The following TP73 variants were observed in gnomAD, a reference collection of about 807,000 sequenced individuals.
The protein encoded by TP73 is p53-like transcription factor.
TP73 carries 25 observed loss-of-function variants against 62.5 expected under a neutral mutation model. The ratio of observed to expected loss-of-function variants is 0.40; its 90% confidence interval spans 0.29 to 0.56. TP73 has a LOEUF of 0.56. TP73 is among the 20% of genes least tolerant of loss of function. TP73 has a pLI of 0.46. For synonymous variants in TP73, 423 were observed against 377.5 expected (o/e 1.12, Z -1.40); for missense variants, 754 against 913.3 (o/e 0.83, Z 2.25).
chr1:3,720,965 G>A (rs1570599048), intron 4 of TP73, among the ~76,000 whole-genome samples: 1 of 152,232 alleles, frequency 6.6e-6, no homozygotes, highest in Non-Finnish European at 1.5e-5. Context: ...AGTCATCGGG[G>A]GCTGGTGAGG....
Position 3,733,109 on chromosome 1 carries a change from C to T in TP73, c.*30C>T, listed in dbSNP as rs368560163. The T allele has an allele frequency of 4.3e-5, 64 of 1,501,868 alleles. 1 individual carries two copies. The South Asian group carries it at 6.1e-4, about 14-fold the overall frequency. 93.0% of individuals were successfully genotyped at this position (1,501,868 alleles called of 1,614,324 possible). On this transcript the variant is annotated 3_prime_UTR_variant, in exon 14 of 14. Transcript: ENST00000378295. ...CTCGCCTGGCTGCAGCCTGCGCCACCGCCCAGAGACCCAAGCTGCCTCCCC... is the reference window on the plus strand; with the variant it reads ...CTCGCCTGGCTGCAGCCTGCGCCACTGCCCAGAGACCCAAGCTGCCTCCCC...
intron 1 of TP73, among the ~76,000 whole-genome samples, chr1:3,674,185 G>T (rs1307852180): frequency 4.6e-5 from 7 of 152,210 alleles, no homozygotes. Flanking sequence ...CCCACGGGGG[G>T]TCGGGCATTT....
At chr1:3,658,228 T>A (rs1644908062) in intron 1 of TP73, among the ~76,000 whole-genome samples, 1 of 152,144 alleles carries the variant, frequency 6.6e-6, no homozygotes, top group Admixed American at 6.5e-5. Context: ...TCCGTGGGCC[T>A]TGGAGATTAA....
intron 3 of TP73, among the ~76,000 whole-genome samples, chr1:3,687,075 C>T (rs2102113388): frequency 6.6e-6 from 1 of 152,330 alleles, no homozygotes; most frequent in East Asian, 1.9e-4. Context: ...CTGCCTTTGC[C>T]TGGCACAGTT....
Position 3,727,628 on chromosome 1 carries a change from T to A in TP73, c.843T>A (p.Asp281Glu), listed in dbSNP as rs367794295. The A allele has an allele frequency of 1.3e-6, 2 of 1,597,754 alleles. No homozygotes were observed. The highest frequency in any genetic ancestry group is 1.7e-6 in the Non-Finnish European group (2 of 1,175,374). Residue 281 changes from aspartate to glutamate, a missense_variant and splice_region_variant, in exon 8 of 14, where the codon GAT becomes GAA. Coordinates refer to ENST00000378295, the MANE Select transcript of TP73 (RefSeq NM_005427.4). ...ILIIITLEMR[D>E]GQVLGRRSFE... is the part of the protein sequence containing the mutation. ...AATTCTGGCTGTGCCCACCCGACAG[T>A]GGGCAGGTGCTGGGCCGCCGGTCCT...
At chr1:3,700,616 G>A (rs1230948911) in intron 3 of TP73, among the ~76,000 whole-genome samples, 3 of 152,064 alleles carry the variant, frequency 2.0e-5, no homozygotes, top group Admixed American at 1.3e-4. Context: ...GGCCAACATG[G>A]TGAAACCCCC....
chr1:3,697,610 G>A (rs1384486198), intron 3 of TP73, among the ~76,000 whole-genome samples: 2 of 152,250 alleles, frequency 1.3e-5, no homozygotes, highest in African/African-American at 4.8e-5. Context: ...CAGCATGGAG[G>A]GCCGGGGTCG....
chr1:3,727,904 C>G (rs1287445678), intron 8 of TP73, 134 bp downstream of exon 8: 1 of 1,351,654 alleles, frequency 7.4e-7, no homozygotes, highest in Non-Finnish European at 9.8e-7. Context: ...TCCTCCCTGA[C>G]GGAGCCTGAG....
chr1:3,653,789 T>C (rs1246378042), intron 1 of TP73, among the ~76,000 whole-genome samples: 2 of 152,234 alleles, frequency 1.3e-5, no homozygotes, highest in African/African-American at 4.8e-5. Flanking sequence ...CGGGGAAAGA[T>C]TAAAAAGCAT....
chr1:3,726,584 T>C lies in TP73; in HGVS notation c.733-531T>C, dbSNP rs147298472. ...GGTAGATAATAAGTGGGGGAGTGGATGGATGGATGGATGGGGTGGATGGAT... is the reference window on the plus strand; with the variant it reads ...GGTAGATAATAAGTGGGGGAGTGGACGGATGGATGGATGGGGTGGATGGAT... On this transcript the variant is annotated intron_variant, in intron 6 of 13. Transcript: ENST00000378295. Among the ~76,000 whole-genome samples, 1,002 of 131,910 alleles carry C rather than the reference T, an allele frequency of 7.6e-3. 16 individuals are homozygous for C. Among genetic ancestry groups the C allele is most frequent in the South Asian group, 0.031 (124 of 3,954 alleles). The allele number at this position is 131,910 out of a possible 152,430, so 86.5% of individuals were successfully genotyped here.
At chr1:3,679,953 TTGTCTCTCTCTTTGTCCC>T (rs946033975) in intron 1 of TP73, among the ~76,000 whole-genome samples, 1 of 148,150 alleles carries the variant, frequency 6.7e-6, no homozygotes, top group Non-Finnish European at 1.5e-5. Context: ...CTGTCTCTCT[TTGTCTCTCTCTTTGTCCC>T]TGTCTCTCTG....
At chr1:3,704,744 C>T (rs929196314) in intron 3 of TP73, among the ~76,000 whole-genome samples, 6 of 152,158 alleles carry the variant, frequency 3.9e-5, no homozygotes, top group Admixed American at 1.3e-4. Context: ...GTCTGGGAGC[C>T]GGGGACTCTG....
intron 1 of TP73, among the ~76,000 whole-genome samples, chr1:3,658,583 C>T (rs772128050): frequency 2.0e-5 from 3 of 152,200 alleles, no homozygotes; most frequent in Admixed American, 1.3e-4. Context: ...CGTCTTGGCG[C>T]GCGGCTCTCT....
chr1:3,679,623 T>C (rs12121199), intron 1 of TP73, among the ~76,000 whole-genome samples: 15,269 of 151,240 alleles, frequency 0.1, 1,054 homozygotes, highest in East Asian at 0.21. Context: ...TGTCTCTCTT[T>C]GTCCCTGTCT....
At chr1:3,718,874 CCCCCGCAACCAACACCTCCTCA>C (rs1640834068) in intron 4 of TP73, among the ~76,000 whole-genome samples, 2 of 151,772 alleles carry the variant, frequency 1.3e-5, no homozygotes, top group African/African-American at 4.8e-5. Flanking sequence ...TGGCTCCAGC[CCCCCGCAACCAACACCTCCTCA>C]CCTGGTGCTG....
At chr1:3,689,166 A>G (rs1027628299) in intron 3 of TP73, among the ~76,000 whole-genome samples, 2 of 152,250 alleles carry the variant, frequency 1.3e-5, no homozygotes, top group East Asian at 1.9e-4. Context: ...CGATCCCAGC[A>G]GGAGTCTCCT....
chr1:3,706,776 G>A (rs1437720815), intron 3 of TP73, among the ~76,000 whole-genome samples: 1 of 152,056 alleles, frequency 6.6e-6, no homozygotes, highest in Non-Finnish European at 1.5e-5. Context: ...AGACGGTGGC[G>A]CAGGGGACAC....
intron 4 of TP73, among the ~76,000 whole-genome samples, chr1:3,711,339 C>T (rs1640123701): frequency 6.6e-6 from 1 of 152,252 alleles, no homozygotes; most frequent in African/African-American, 2.4e-5. Context: ...GCAGGGCATG[C>T]ATGACCTGGC....
chr1:3,655,540 A>G (rs561369194), intron 1 of TP73, among the ~76,000 whole-genome samples: 4 of 152,250 alleles, frequency 2.6e-5, no homozygotes, highest in Non-Finnish European at 2.9e-5. Context: ...AAAGCAAAAA[A>G]GAAAAAAGCT....
Sources: gnomAD v4.1 joint callset for allele counts (sites outside exome capture counted in the v4.1 genomes callset) on GRCh38, gnomAD v4.1.1 for gene constraint, MANE v1.5 for transcripts, NCBI Gene and HGNC (gene_info 2026-07-23, HGNC 2026-07-21) for gene names.